DLG1: variants seen among roughly 807,000 people sequenced by gnomAD.
The protein encoded by DLG1 is disks large homolog 1.
A neutral mutation model predicts 123.4 loss-of-function variants in DLG1; 42 were observed. The observed-to-expected ratio is 0.34, with a 90% CI of 0.27 to 0.44. DLG1 has a LOEUF of 0.44. Among genes scored for constraint, DLG1 ranks in the 20% least tolerant of loss-of-function variants. DLG1 has a pLI of 1.00. For synonymous variants in DLG1, 317 were observed against 356.2 expected (o/e 0.89, Z 1.24); for missense variants, 942 against 1,082.6 (o/e 0.87, Z 1.82).
chr3:197,185,365 T>G (rs1229191118), intron 5 of DLG1, among the ~76,000 whole-genome samples: 1 of 152,128 alleles, frequency 6.6e-6, no homozygotes, highest in Non-Finnish European at 1.5e-5. Flanking sequence ...TGCTGAGAAG[T>G]GAACATGTGC....
chr3:197,257,005 C>A (rs1291525179), intron 4 of DLG1, among the ~76,000 whole-genome samples: 1 of 152,068 alleles, frequency 6.6e-6, no homozygotes, highest in Non-Finnish European at 1.5e-5. Flanking sequence ...AACATTTTTA[C>A]GTGGCAGTCA....
intron 14 of DLG1, among the ~76,000 whole-genome samples, chr3:197,092,473 A>T (rs1395512503): frequency 6.6e-6 from 1 of 152,146 alleles, no homozygotes; most frequent in Non-Finnish European, 1.5e-5. Flanking sequence ...CTTAGGCTAT[A>T]GCTAGAGATG....
rs141922227 is a variant in DLG1, at chr3:197,085,998, C to T, written c.1662-242G>A. ...AATATCACAAGACAAATTTTAAAAA[C>T]GCTCTTGGATTGTAATCCAATGGTA... On this transcript the variant is annotated intron_variant, in intron 15 of 24. Transcript: ENST00000667157. Among the ~76,000 whole-genome samples the T allele has an allele frequency of 5.9e-5, 9 of 151,616 alleles. No individual in the cohort carries two copies. In the East Asian group the frequency reaches 9.7e-4, roughly 16 times the overall value.
chr3:197,053,042 T>C (rs879577437), intron 23 of DLG1, among the ~76,000 whole-genome samples: 3 of 152,216 alleles, frequency 2.0e-5, no homozygotes, highest in Non-Finnish European at 4.4e-5. Context: ...GACAAAATGA[T>C]AGGAATGTCT....
At chr3:197,065,605 A>T in intron 21 of DLG1, 103 bp downstream of exon 21, 16 of 1,014,312 alleles carry the variant, frequency 1.6e-5, no homozygotes, top group Non-Finnish European at 2.1e-5. Context: ...TAACTGATAA[A>T]ATAAGTACAA....
intron 13 of DLG1, among the ~76,000 whole-genome samples, chr3:197,109,291 G>C (rs774298821): frequency 8.5e-5 from 13 of 152,228 alleles, no homozygotes; most frequent in Non-Finnish European, 1.8e-4. Flanking sequence ...GATTGCCTGA[G>C]TAAGTTTGAG....
At chr3:197,132,043 T>C (rs932779515) in intron 10 of DLG1, among the ~76,000 whole-genome samples, 2 of 152,202 alleles carry the variant, frequency 1.3e-5, no homozygotes, top group East Asian at 1.9e-4. Context: ...TATTAGCACA[T>C]AGTTACTCAT....
chr3:197,049,843 G>A (rs1181644568), intron 24 of DLG1, among the ~76,000 whole-genome samples: 2 of 152,086 alleles, frequency 1.3e-5, no homozygotes, highest in African/African-American at 2.4e-5. Context: ...AAGAACGATT[G>A]CTTGAGCCTA....
In DLG1 at chr3:197,225,920, C is replaced by T. The variant is rs182369936; in HGVS notation, c.319-31331G>A. ...ATGCTACTTTACAGTGGCATAACATCGGAGAAAAGCAATCCAAGTTTTTGA... is the reference window on the plus strand; with the variant it reads ...ATGCTACTTTACAGTGGCATAACATTGGAGAAAAGCAATCCAAGTTTTTGA... On this transcript the variant is annotated intron_variant, in intron 4 of 24. Transcript: ENST00000667157. The T allele has an allele frequency of 3.6e-4, 55 of 152,692 alleles. 1 individual carries two copies. Among genetic ancestry groups the T allele is most frequent in the Admixed American group, 9.8e-4 (15 of 15,302 alleles). The allele number at this position is 152,692 out of a possible 1,614,324, so 9.5% of individuals were successfully genotyped here. A position where few individuals can be genotyped will look rare whatever the true frequency, so the allele number is the denominator to read the frequency against.
At chr3:197,285,377 A>G (rs1218033495) in intron 3 of DLG1, among the ~76,000 whole-genome samples, 2 of 152,010 alleles carry the variant, frequency 1.3e-5, no homozygotes, top group Admixed American at 1.3e-4. Context: ...ATCTAAATAC[A>G]GGCCCAAGAG....
intron 23 of DLG1, 96 bp downstream of exon 23, chr3:197,059,793 T>C: frequency 1.3e-6 from 1 of 782,884 alleles, no homozygotes. Context: ...ATTATCTCAA[T>C]TTTATAGATA....
rs184912811 is a variant in DLG1, at chr3:197,082,747, C to T, written c.1839-1630G>A. Among the ~76,000 whole-genome samples, 791 of 152,144 alleles carry T rather than the reference C, an allele frequency of 5.2e-3. 2 individuals carry two copies. The highest frequency in any genetic ancestry group is 0.018 in the African/African-American group (755 of 41,510). ...AGTTGTGGTTTCTTACTGTATTTTA[C>T]GGGAGTAAGATTATATTCTGCAATG... On this transcript the variant is annotated intron_variant, in intron 16 of 24. Transcript: ENST00000667157.
chr3:197,070,128 T>G (rs546767918), intron 18 of DLG1: 2 of 152,274 alleles, frequency 1.3e-5, no homozygotes, highest in African/African-American at 4.8e-5. Context: ...CATCTCAAGT[T>G]TTCTCTCAAT....
At chr3:197,144,418 G>A (rs553471128) in intron 6 of DLG1, among the ~76,000 whole-genome samples, 4 of 152,228 alleles carry the variant, frequency 2.6e-5, no homozygotes, top group East Asian at 3.9e-4. Context: ...TATCAGCCAC[G>A]TGAATAAGGC....
chr3:197,204,841 T>C (rs1232340696), intron 4 of DLG1, among the ~76,000 whole-genome samples: 1 of 152,148 alleles, frequency 6.6e-6, no homozygotes, highest in Non-Finnish European at 1.5e-5. Flanking sequence ...GATTTTGGTA[T>C]CCTGAACCCA....
At chr3:197,164,740 A>G (rs566433972) in intron 5 of DLG1, among the ~76,000 whole-genome samples, 2,326 of 43,678 alleles carry the variant, frequency 0.053, 63 homozygotes, top group African/African-American at 0.12. Context: ...CGTCTCTACT[A>G]AAAAAAAAAA....
At chr3:197,250,197 C>G (rs1753679237) in intron 4 of DLG1, among the ~76,000 whole-genome samples, 1 of 152,124 alleles carries the variant, frequency 6.6e-6, no homozygotes, top group African/African-American at 2.4e-5. Context: ...GATACATATG[C>G]TTAGTAAAGC....
chr3:197,282,791 C>T lies in DLG1; in HGVS notation c.206G>A (p.Arg69His), dbSNP rs775132251. The change falls in exon 4 of 25, where the codon CGT becomes CAT. Residue 69 changes from arginine to histidine, a missense_variant. Transcript: ENST00000667157. ...TLLDNPKCID[R>H]SKPSEPIQPV... is the part of the protein sequence containing the mutation. Reference sequence around the variant, plus strand: ...TTGAATTGGTTCAGACGGCTTTGAACGATCTATACATTTTGGATTATCCAG... The same window carrying T: ...TTGAATTGGTTCAGACGGCTTTGAATGATCTATACATTTTGGATTATCCAG... The T allele has an allele frequency of 8.7e-6, 14 of 1,608,298 alleles. No homozygotes were observed. Among genetic ancestry groups the T allele is most frequent in the East Asian group, 2.2e-5 (1 of 44,728 alleles).
chr3:197,221,569 C>T (rs964996412), intron 4 of DLG1, among the ~76,000 whole-genome samples: 1 of 151,558 alleles, frequency 6.6e-6, no homozygotes, highest in Admixed American at 6.6e-5. Flanking sequence ...AGGAAGCAAA[C>T]ACTCAATAAA....
Sources: gnomAD v4.1 joint callset for allele counts (sites outside exome capture counted in the v4.1 genomes callset) on GRCh38, gnomAD v4.1.1 for gene constraint, MANE v1.5 for transcripts, NCBI Gene and HGNC (gene_info 2026-07-23, HGNC 2026-07-21) for gene names.